CCDC102B: variants seen among roughly 807,000 people sequenced by gnomAD.
CCDC102B encodes coiled-coil domain containing 102B.
CCDC102B carries 75 observed loss-of-function variants against 57.4 expected under a neutral mutation model. The observed-to-expected ratio is 1.31, with a 90% confidence interval of 1.08 to 1.58. The LOEUF is 1.58. Among genes scored for constraint, CCDC102B ranks in the 40% most tolerant of loss-of-function variants. The pLI, the probability that CCDC102B is intolerant of heterozygous loss-of-function variation, is 0.00. For synonymous variants in CCDC102B, 206 were observed against 201.9 expected, an observed-to-expected ratio of 1.02 and a Z score of -0.17; for missense variants, 636 against 582.6, an observed-to-expected ratio of 1.09 and a Z score of -0.94.
chr18:69,017,642 A>G (rs950449947), intron 7 of CCDC102B, among the ~76,000 whole-genome samples: 3 of 152,190 alleles, frequency 2.0e-5, no homozygotes, highest in African/African-American at 7.2e-5. Flanking sequence ...CATAGTTAAC[A>G]TGTATTTTCA....
chr18:68,783,484 G>T (rs2035075292), intron 2 of CCDC102B, among the ~76,000 whole-genome samples: 1 of 152,124 alleles, frequency 6.6e-6, no homozygotes, highest in South Asian at 2.1e-4. Context: ...GAGAGAAAAG[G>T]TCCCAAGCCC....
intron 7 of CCDC102B, among the ~76,000 whole-genome samples, chr18:69,033,879 T>A (rs1209683316): frequency 6.6e-6 from 1 of 152,084 alleles, no homozygotes; most frequent in Non-Finnish European, 1.5e-5. Flanking sequence ...TCTTTTTTAC[T>A]CTGGCCATCC....
At chr18:68,823,016 G>A (rs1254942865) in intron 1 of CCDC102B, among the ~76,000 whole-genome samples, 21 of 152,254 alleles carry the variant, frequency 1.4e-4, no homozygotes, top group Non-Finnish European at 7.4e-5. Flanking sequence ...CAAATGGGAA[G>A]TACCTCTGAT....
chr18:69,038,696 T>G (rs2052356435), intron 7 of CCDC102B, among the ~76,000 whole-genome samples: 2 of 151,990 alleles, frequency 1.3e-5, no homozygotes, highest in Non-Finnish European at 2.9e-5. Context: ...CAAGTGTGTT[T>G]TTGTGTATAA....
At chr18:68,759,160 C>T (rs1014709042) in intron 2 of CCDC102B, among the ~76,000 whole-genome samples, 4 of 151,284 alleles carry the variant, frequency 2.6e-5, no homozygotes, top group African/African-American at 7.3e-5. Flanking sequence ...CAGAGTATAA[C>T]AAAGAAAGAA....
At chr18:69,021,452 G>A (rs529322532) in intron 7 of CCDC102B, among the ~76,000 whole-genome samples, 1 of 152,242 alleles carries the variant, frequency 6.6e-6, no homozygotes. Context: ...CCCAGGAACC[G>A]AATTGATTTG....
At chr18:68,908,694 T>A (rs1229680643) in intron 6 of CCDC102B, 1 of 152,210 alleles carries the variant, frequency 6.6e-6, no homozygotes, top group Non-Finnish European at 1.5e-5. Context: ...AACTTATTAC[T>A]ATAAAAAATC....
intron 6 of CCDC102B, among the ~76,000 whole-genome samples, chr18:68,926,297 T>C (rs1471157822): frequency 6.6e-6 from 1 of 151,914 alleles, no homozygotes. Flanking sequence ...ATAATCTCAA[T>C]ATTTATAATT....
chr18:69,020,031 T>G (rs115337035), intron 7 of CCDC102B, among the ~76,000 whole-genome samples: 1 of 151,232 alleles, frequency 6.6e-6, no homozygotes, highest in Admixed American at 6.6e-5. Context: ...TGTGTTGAAA[T>G]TTTTTCCCCT....
intron 2 of CCDC102B, among the ~76,000 whole-genome samples, chr18:68,771,800 C>CT (rs745919816): frequency 6.6e-6 from 1 of 151,638 alleles, no homozygotes; most frequent in Non-Finnish European, 1.5e-5. Flanking sequence ...ATCAAGGTCA[C>CT]TTAGAAGCTG....
intron 6 of CCDC102B, among the ~76,000 whole-genome samples, chr18:68,963,228 C>G (rs1408253092): frequency 6.6e-6 from 1 of 151,662 alleles, no homozygotes; most frequent in Non-Finnish European, 1.5e-5. Context: ...AAATTCAGAG[C>G]AAAAATCAAA....
chr18:68,717,740 T>A (rs1295366924), intron 2 of CCDC102B, among the ~76,000 whole-genome samples: 1 of 151,960 alleles, frequency 6.6e-6, no homozygotes, highest in East Asian at 1.9e-4. Context: ...TTCTACTATT[T>A]TGACAACATT....
At chr18:68,808,963 T>A (rs1306737682) in intron 1 of CCDC102B, among the ~76,000 whole-genome samples, 2 of 152,242 alleles carry the variant, frequency 1.3e-5, no homozygotes, top group East Asian at 1.9e-4. Flanking sequence ...CTGAAATTTA[T>A]GCTATTTCTA....
At chr18:68,841,173 C>A (rs2037613124) in intron 3 of CCDC102B, among the ~76,000 whole-genome samples, 1 of 152,140 alleles carries the variant, frequency 6.6e-6, no homozygotes, top group Non-Finnish European at 1.5e-5. Flanking sequence ...TTAAATTCTT[C>A]TTCCTGGAAT....
At position 68,956,514 on chromosome 18, in the gene CCDC102B, TCGC is replaced by T. The variant is rs1368612235; in HGVS notation, c.1264-54419_1264-54417del. 2.6e-4 allele frequency among the ~76,000 whole-genome samples: 10 copies of T among 38,058 alleles called. 1 individual carries two copies. The highest frequency in any genetic ancestry group is 7.6e-4 in the East Asian group (1 of 1,314). 25.0% of individuals were successfully genotyped at this position (38,058 alleles called of 152,430 possible). On this transcript the variant is annotated intron_variant, in intron 6 of 7. Transcript: ENST00000360242. The stretch of plus-strand genomic sequence containing the variant: ...ATATATAAAATATATAATATATATA[TCGC>T]ATATTATATATATTATATATTTTAT...
chr18:68,872,957 T>C (rs931033564), intron 4 of CCDC102B, among the ~76,000 whole-genome samples: 2 of 152,178 alleles, frequency 1.3e-5, no homozygotes, highest in African/African-American at 4.8e-5. Flanking sequence ...TTGAGAGTTC[T>C]GTTGACAATG....
chr18:68,939,363 T>A (rs2145163117), intron 6 of CCDC102B, among the ~76,000 whole-genome samples: 1 of 151,908 alleles, frequency 6.6e-6, no homozygotes, highest in Admixed American at 6.6e-5. Flanking sequence ...TAAATATCAT[T>A]TATGTTTGAA....
chr18:68,957,704 G>T (rs1404322593), intron 6 of CCDC102B, among the ~76,000 whole-genome samples: 4 of 151,888 alleles, frequency 2.6e-5, no homozygotes, highest in Non-Finnish European at 5.9e-5. Context: ...ATTGCTTTGG[G>T]TAGTATGGAC....
intron 2 of CCDC102B, among the ~76,000 whole-genome samples, chr18:68,783,445 C>T (rs1326807880): frequency 2.0e-5 from 3 of 152,150 alleles, no homozygotes; most frequent in African/African-American, 4.8e-5. Flanking sequence ...TAGACTCTGC[C>T]GTCCAAGCAG....
Sources: allele counts gnomAD v4.1 joint callset (sites outside exome capture counted in the v4.1 genomes callset), GRCh38; gene constraint gnomAD v4.1.1; transcripts MANE v1.5; gene names NCBI Gene and HGNC (gene_info 2026-07-23, HGNC 2026-07-21).